GALNT13: variants seen among roughly 807,000 people sequenced by gnomAD.
GALNT13 encodes the protein polypeptide N-acetylgalactosaminyltransferase 13, also known as UDP-GalNAc:polypeptide N-acetylgalactosaminyltransferase 13.
A neutral mutation model predicts 64.2 loss-of-function variants in GALNT13; 28 were observed. The observed-to-expected ratio is 0.44, with a 90% CI of 0.32 to 0.60. GALNT13 has a LOEUF of 0.60. Ranked by LOEUF, GALNT13 falls within the 20% of genes least tolerant of loss-of-function variation. The probability of loss-of-function intolerance (pLI) is 0.05; values close to 1 mark genes in which losing one functional copy is unlikely to be tolerated. For missense variants in GALNT13, 577 were observed against 669.8 expected, an observed-to-expected ratio of 0.86 and a Z score of 1.53; for synonymous variants, 214 against 224.6, an observed-to-expected ratio of 0.95 and a Z score of 0.42.
the GALNT13 span, among the ~76,000 whole-genome samples, chr2:153,117,854 G>A: frequency 1.3e-5 from 2 of 151,992 alleles, no homozygotes; most frequent in Non-Finnish European, 1.5e-5. Context: ...AGTTAAGTCC[G>A]AAGAGCTGGA....
the GALNT13 span, among the ~76,000 whole-genome samples, chr2:153,576,272 A>T: frequency 6.6e-6 from 1 of 152,010 alleles, no homozygotes; most frequent in South Asian, 2.1e-4. Context: ...CTGGTCTCTT[A>T]GTAGGTCGAG....
chr2:154,290,721 C>G (rs1045388918), intron 8 of GALNT13, among the ~76,000 whole-genome samples: 1 of 152,164 alleles, frequency 6.6e-6, no homozygotes, highest in Non-Finnish European at 1.5e-5. Context: ...AATGAAGCTG[C>G]GGACCCTTGC....
chr2:154,254,893 T>C (rs996966730), intron 7 of GALNT13, among the ~76,000 whole-genome samples: 3 of 152,116 alleles, frequency 2.0e-5, no homozygotes, highest in East Asian at 3.9e-4. Flanking sequence ...ACAAAGAGCA[T>C]AGAAAGAGAA....
chr2:154,170,195 G>A (rs1263652645), intron 4 of GALNT13, among the ~76,000 whole-genome samples: 1 of 151,992 alleles, frequency 6.6e-6, no homozygotes, highest in Admixed American at 6.6e-5. Context: ...GTTCTATCTG[G>A]GACCTTAGCC....
chr2:153,467,477 G>A, the GALNT13 span, among the ~76,000 whole-genome samples: 1 of 152,182 alleles, frequency 6.6e-6, no homozygotes, highest in East Asian at 1.9e-4. Context: ...TTAGCAGAAT[G>A]GCAGAGAGGA....
chr2:154,028,635 T>G (rs7593477), intron 3 of GALNT13, among the ~76,000 whole-genome samples: 87,870 of 151,910 alleles, frequency 0.58, 27,005 homozygotes, highest in East Asian at 0.96. Context: ...GTATATAAAT[T>G]TTTTAATTGT....
chr2:153,141,980 T>A, the GALNT13 span, among the ~76,000 whole-genome samples: 2 of 152,056 alleles, frequency 1.3e-5, no homozygotes, highest in African/African-American at 4.8e-5. Flanking sequence ...CGAATAAGCT[T>A]CCAGATGATG....
At chr2:154,109,587 G>T (rs1192556426) in intron 3 of GALNT13, among the ~76,000 whole-genome samples, 5 of 151,974 alleles carry the variant, frequency 3.3e-5, no homozygotes, top group Non-Finnish European at 7.4e-5. Context: ...ATTCACCATT[G>T]AATATAAATG....
At chr2:153,743,100 G>T in the GALNT13 span, among the ~76,000 whole-genome samples, 116 of 131,572 alleles carry the variant, frequency 8.8e-4, 1 homozygote, top group East Asian at 0.03. Flanking sequence ...AAAGAGGGGA[G>T]GGGGAGGGGT....
At chr2:154,104,758 T>G (rs942007935) in intron 3 of GALNT13, among the ~76,000 whole-genome samples, 2 of 152,204 alleles carry the variant, frequency 1.3e-5, no homozygotes, top group African/African-American at 4.8e-5. Context: ...TCAGAGTGTG[T>G]TCTAGGGTGT....
chr2:154,253,236 A>G (rs1690183164), intron 7 of GALNT13, among the ~76,000 whole-genome samples: 1 of 152,158 alleles, frequency 6.6e-6, no homozygotes, highest in African/African-American at 2.4e-5. Context: ...CAGACTTCTA[A>G]CAACTAAATT....
intron 9 of GALNT13, among the ~76,000 whole-genome samples, chr2:154,327,910 T>C (rs1239889817): frequency 1.3e-5 from 2 of 152,164 alleles, no homozygotes; most frequent in Non-Finnish European, 2.9e-5. Flanking sequence ...ATTTTATCAA[T>C]TGTCATACAA....
the GALNT13 span, among the ~76,000 whole-genome samples, chr2:153,452,492 G>T: frequency 6.6e-6 from 1 of 151,406 alleles, no homozygotes; most frequent in African/African-American, 2.4e-5. Flanking sequence ...AAAAGAAAAA[G>T]AATATGAGTA....
At chr2:153,292,216 C>A in the GALNT13 span, among the ~76,000 whole-genome samples, 1 of 152,120 alleles carries the variant, frequency 6.6e-6, no homozygotes, top group Non-Finnish European at 1.5e-5. Context: ...CCAAGGTTCT[C>A]TCCTGGAGGG....
downstream of GALNT13, chr2:154,454,449 G>A (rs1335320042): frequency 6.6e-6 from 1 of 152,220 alleles, no homozygotes; most frequent in South Asian, 2.1e-4. Context: ...AATCACTTGA[G>A]TTCAGAACTG....
rs182009673 is a variant in GALNT13 at position 154,438,627 on chromosome 2, C to T, written c.1431C>T (p.Thr477=). ...ACACTGCTGACAAAGAAATCCGAACCGATGACTTGTGCTTGGATGTTTCTA... is the reference window on the plus strand; with the variant it reads ...ACACTGCTGACAAAGAAATCCGAACTGATGACTTGTGCTTGGATGTTTCTA... ...FSYTADKEIR[T]DDLCLDVSRL... Residue 477 remains threonine (T), a synonymous_variant, in exon 12 of 13, where the codon ACC becomes ACT. Transcript: ENST00000392825. The T allele has an allele frequency of 3.9e-4, 632 of 1,611,882 alleles. No individual in the cohort carries two copies. The highest frequency in any genetic ancestry group is 3.4e-4 in the Non-Finnish European group (404 of 1,178,334).
chr2:154,297,628 AT>A (rs1693002876), intron 8 of GALNT13, among the ~76,000 whole-genome samples: 1 of 152,164 alleles, frequency 6.6e-6, no homozygotes, highest in South Asian at 2.1e-4. Flanking sequence ...TGAGAAAGAG[AT>A]TTCTGTTGTT....
At chr2:154,390,061 G>A (rs1480845957) in intron 9 of GALNT13, among the ~76,000 whole-genome samples, 1 of 152,054 alleles carries the variant, frequency 6.6e-6, no homozygotes, top group East Asian at 1.9e-4. Flanking sequence ...GACTGAGAGG[G>A]TGAATTTCTA....
At chr2:153,623,166 G>A in the GALNT13 span, among the ~76,000 whole-genome samples, 6 of 152,036 alleles carry the variant, frequency 3.9e-5, no homozygotes, top group East Asian at 9.7e-4. Flanking sequence ...ATGAGTGAGT[G>A]GTTTATAATT....
Sources: allele counts gnomAD v4.1 joint callset (sites outside exome capture counted in the v4.1 genomes callset), GRCh38; gene constraint gnomAD v4.1.1; transcripts MANE v1.5; gene names NCBI Gene and HGNC (gene_info 2026-07-23, HGNC 2026-07-21).